Variants in DERL2 observed in about 807,000 individuals in gnomAD.
DERL2 encodes derlin-2.
DERL2 carries 13 observed loss-of-function variants against 32.0 expected under a neutral mutation model. The observed-to-expected ratio is 0.41, with a 90% CI of 0.26 to 0.65. The LOEUF is 0.65. Ranked by LOEUF, DERL2 falls within the 30% of genes least tolerant of loss-of-function variation. The probability of loss-of-function intolerance (pLI) is 0.35; values close to 1 mark genes in which losing one functional copy is unlikely to be tolerated. For missense variants in DERL2, 208 were observed against 296.3 expected (o/e 0.70, Z 2.19); for synonymous variants, 111 against 104.7 (o/e 1.06, Z -0.37).
rs917428502 is a variant in DERL2, at chr17:5,481,498, GTCT to G, written c.234-112_234-110del. On this transcript the variant is annotated intron_variant, in intron 3 of 6. Coordinates refer to ENST00000158771, the MANE Select transcript of DERL2 (RefSeq NM_016041.5). This position sits in a 1 kb window ranked among gnomAD's most constrained non-coding sequence, Gnocchi z 4.4. ...TTCCATATTATTTGTAATTAGTCAAGTCTTCATTTGTATAAGAATGTTTGAGTG... is the reference window on the plus strand; with the variant it reads ...TTCCATATTATTTGTAATTAGTCAAGTCATTTGTATAAGAATGTTTGAGTG... The G allele has an allele frequency of 6.7e-6, 5 of 748,436 alleles. No homozygotes were observed. The African/African-American group carries it at 8.9e-5, about 13-fold the overall frequency. The allele number at this position is 748,436 out of a possible 1,614,324, so 46.4% of individuals were successfully genotyped here.
In DERL2 at chr17:5,481,018, A is replaced by G; in HGVS notation, c.327+278T>C. The G allele has an allele frequency of 1.8e-6, 1 of 551,226 alleles. No homozygotes were observed. The highest frequency in any genetic ancestry group is 3.2e-6 in the Non-Finnish European group (1 of 316,488). 34.1% of individuals were successfully genotyped at this position (551,226 alleles called of 1,614,324 possible). On this transcript the variant is annotated intron_variant, in intron 4 of 6. Coordinates refer to ENST00000158771, the MANE Select transcript of DERL2 (RefSeq NM_016041.5). This position sits in a 1 kb window ranked among gnomAD's most constrained non-coding sequence, Gnocchi z 4.4. ...TAATTTATTGGTTTTGGTAGCCACCAAGTAAATGTCTTACCAACTTAGTTT... is the reference window on the plus strand; with the variant it reads ...TAATTTATTGGTTTTGGTAGCCACCGAGTAAATGTCTTACCAACTTAGTTT...
chr17:5,477,885 G>A (rs929748790), intron 6 of DERL2: 2 of 152,048 alleles, frequency 1.3e-5, no homozygotes, highest in Non-Finnish European at 2.9e-5. Flanking sequence ...GAGGATCTGG[G>A]AATAGCAACA....
chr17:5,484,449 T>C (rs1906012388), intron 2 of DERL2, among the ~76,000 whole-genome samples: 1 of 152,234 alleles, frequency 6.6e-6, no homozygotes, highest in South Asian at 2.1e-4. Flanking sequence ...GGCTTTACCA[T>C]GTTGGCCAGG....
chr17:5,474,821 C>T lies in DERL2; in HGVS notation c.615-32G>A, dbSNP rs772601705. On this transcript the variant is annotated intron_variant, in intron 6 of 6. Coordinates refer to ENST00000158771, the MANE Select transcript of DERL2 (RefSeq NM_016041.5). This position sits in a 1 kb window ranked among gnomAD's most constrained non-coding sequence, Gnocchi z 4.3. Reference sequence around the variant, plus strand: ...GACAAGCAACAGATATAATTTGGTCCCAGAGTCATCTCAGGTCCAAAGTAC... The same window carrying T: ...GACAAGCAACAGATATAATTTGGTCTCAGAGTCATCTCAGGTCCAAAGTAC... 6.3e-7 allele frequency: 1 copy of T among 1,576,866 alleles called. No homozygotes were observed. The highest frequency in any genetic ancestry group is 8.7e-7 in the Non-Finnish European group (1 of 1,149,160).
Position 5,480,859 on chromosome 17 carries a change from A to T in DERL2, c.328-277T>A, listed in dbSNP as rs1905729857. On this transcript the variant is annotated intron_variant, in intron 4 of 6. Transcript: ENST00000158771. ...TGGAAAATGTGTTAATTCTTCAGTC[A>T]ATAATTATATTAAAGCTTGCTCACG... 1.5e-5 allele frequency: 7 copies of T among 455,628 alleles called. No individual in the cohort carries two copies. In the Admixed American group the frequency reaches 2.7e-4, roughly 18 times the overall value. The allele number at this position is 455,628 out of a possible 1,614,324, so 28.2% of individuals were successfully genotyped here.
At position 5,473,527 on chromosome 17, in the gene DERL2, G is replaced by C. The variant is rs1905212786; in HGVS notation, c.*1157C>G. 1 of 151,392 alleles carries C rather than the reference G, an allele frequency of 6.6e-6. No homozygotes were observed. The highest frequency in any genetic ancestry group is 1.5e-5 in the Non-Finnish European group (1 of 67,942). 9.4% of individuals were successfully genotyped at this position (151,392 alleles called of 1,614,324 possible). On this transcript the variant is annotated 3_prime_UTR_variant, in exon 7 of 7. Transcript: ENST00000158771. ...GGAAGAACATATGCCTAGCTAACTGGTATCTGTTCGTCTGGCTCCAAAGTC... is the reference window on the plus strand; with the variant it reads ...GGAAGAACATATGCCTAGCTAACTGCTATCTGTTCGTCTGGCTCCAAAGTC...
intron 6 of DERL2, among the ~76,000 whole-genome samples, chr17:5,478,608 C>A (rs1423139826): frequency 6.6e-6 from 1 of 152,164 alleles, no homozygotes; most frequent in African/African-American, 2.4e-5. Context: ...TAGGAATTAT[C>A]TTTTGAAAAT....
At position 5,473,581 on chromosome 17, in the gene DERL2, T is replaced by A. The variant is rs1482206051; in HGVS notation, c.*1103A>T. On this transcript the variant is annotated 3_prime_UTR_variant, in exon 7 of 7. Transcript: ENST00000158771. ...ATTCTAACTTGGTTTCCAAATCTAA[T>A]GAAAATCTGAGACCCTGTCTCTATT... is the stretch of plus-strand genomic sequence containing the variant. 6.8e-6 allele frequency: 1 copy of A among 147,980 alleles called. No individual in the cohort carries two copies. Among genetic ancestry groups the A allele is most frequent in the East Asian group, 2.0e-4 (1 of 5,034 alleles). The allele number at this position is 147,980 out of a possible 1,614,324, so 9.2% of individuals were successfully genotyped here. A position where few individuals can be genotyped will look rare whatever the true frequency, so the allele number is the denominator to read the frequency against.
intron 3 of DERL2, chr17:5,482,245 C>T (rs1805454): frequency 6.6e-6 from 1 of 152,670 alleles, no homozygotes; most frequent in South Asian, 2.1e-4. Flanking sequence ...TGAACTGTAA[C>T]TCCCTCTTAA....
chr17:5,485,205 C>A lies in DERL2; in HGVS notation c.105G>T (p.Leu35Phe). 1.3e-6 allele frequency: 2 copies of A among 1,589,432 alleles called. No homozygotes were observed. Among genetic ancestry groups the A allele is most frequent in the Non-Finnish European group, 1.7e-6 (2 of 1,170,438 alleles). The change falls in exon 2 of 7, where the codon TTG becomes TTT. Residue 35 changes from leucine (L) to phenylalanine (F), a missense_variant. By Grantham distance (22) the Leu-to-Phe change is conservative (BLOSUM62 0). Around this residue, in one of 3 missense-constraint regions of DERL2, gnomAD observed 124 missense variants for 215.3 expected, o/e 0.58. Coordinates refer to ENST00000158771, the MANE Select transcript of DERL2 (RefSeq NM_016041.5). The stretch of plus-strand genomic sequence containing the variant: ...TGAAGTACAACTGAAAAGGTGTGAT[C>A]AATTCCAACTGCTGAAATAGAAAAA... ...VLTTAAVQLE[L>F]ITPFQLYFNP...
intron 1 of DERL2, chr17:5,485,832 T>C (rs1597376196): frequency 7.4e-6 from 3 of 405,360 alleles, no homozygotes; most frequent in East Asian, 7.2e-5. Context: ...TAACCCGCTA[T>C]AGGTCCGGCG....
In DERL2 at chr17:5,486,095, C is replaced by T; in HGVS notation, c.67G>A (p.Ala23Thr). The T allele has an allele frequency of 6.2e-7, 1 of 1,611,794 alleles. No individual in the cohort carries two copies. Among genetic ancestry groups the T allele is most frequent in the Non-Finnish European group, 8.5e-7 (1 of 1,179,192 alleles). Residue 23 changes from alanine to threonine, a missense_variant, in exon 1 of 7, where the codon GCC becomes ACC. This residue lies in a region of DERL2 where 44 missense variants were observed against 42.3 expected (regional missense o/e 1.04). Coordinates refer to ENST00000158771, the MANE Select transcript of DERL2 (RefSeq NM_016041.5). ...IPPVSRAYTT[A>T]CVLTTAAVQL... ...ACGGCGGCGGTGGTGAGGACGCAGG[C>T]AGTGGTGTAGGCGCGGCTGACCGGT...
intron 5 of DERL2, 24 bp downstream of exon 5, chr17:5,480,363 A>T (rs1000572050): frequency 1.9e-6 from 3 of 1,583,002 alleles, no homozygotes; most frequent in African/African-American, 2.7e-5. Flanking sequence ...AAAATAATTT[A>T]AAAAATAGTG....
rs1906143538 is a variant in DERL2, at chr17:5,485,479, G to A, written c.94-263C>T. ...CTGACATGAAGAAATGAGGCAGACA[G>A]GTGGTGATATTTTAGACACAGGACA... On this transcript the variant is annotated intron_variant, in intron 1 of 6. Transcript: ENST00000158771. 2.0e-5 allele frequency among the ~76,000 whole-genome samples: 3 copies of A among 152,160 alleles called. No homozygotes were observed. The South Asian group carries it at 6.2e-4, about 32-fold the overall frequency.
chr17:5,482,994 G>A, intron 2 of DERL2, 112 bp from the exon 3 acceptor site: 1 of 589,346 alleles, frequency 1.7e-6, no homozygotes, highest in South Asian at 2.1e-5. Context: ...GAGAAGCCTT[G>A]GACAGAGTGA....
At chr17:5,482,556 C>T (rs1004484198) in intron 3 of DERL2, 4 of 326,464 alleles carry the variant, frequency 1.2e-5, no homozygotes, top group African/African-American at 6.7e-5. Flanking sequence ...CAATTCTCCC[C>T]TCCCTTGATC....
intron 6 of DERL2, among the ~76,000 whole-genome samples, chr17:5,477,353 C>T (rs1368663443): frequency 6.6e-6 from 1 of 152,056 alleles, no homozygotes; most frequent in Non-Finnish European, 1.5e-5. Context: ...TCTTGGGGGA[C>T]AGGTACAATG....
At chr17:5,479,135 A>G (rs974866663) in intron 6 of DERL2, among the ~76,000 whole-genome samples, 2 of 152,154 alleles carry the variant, frequency 1.3e-5, no homozygotes, top group South Asian at 4.1e-4. Context: ...TGCAGTGGCT[A>G]TGTTAAAGGC....
At chr17:5,480,746 A>G (rs913141522) in intron 4 of DERL2, 164 bp from the exon 5 acceptor site, 2 of 558,520 alleles carry the variant, frequency 3.6e-6, no homozygotes, top group African/African-American at 2.0e-5. Context: ...TACCCAGAGC[A>G]ATCAGGCAAA....
Sources: gnomAD v4.1 joint callset for allele counts (sites outside exome capture counted in the v4.1 genomes callset) on GRCh38, gnomAD v4.1.1 for gene constraint, gnomAD v4.1.1 regional missense constraint, Gnocchi (gnomAD v3.1) non-coding constraint, MANE v1.5 for transcripts, NCBI Gene and HGNC (gene_info 2026-07-23, HGNC 2026-07-21) for gene names.